The following RBFOX1 variants were observed in gnomAD, a reference collection of about 807,000 sequenced individuals.
The protein encoded by RBFOX1 is RNA binding fox-1 homolog 1.
Under a neutral mutation model 57.7 loss-of-function variants are expected in RBFOX1, and 8 were observed. The observed-to-expected ratio is 0.14, with a 90% CI of 0.08 to 0.25. The LOEUF (loss-of-function observed/expected upper bound fraction) is 0.25, where lower values mean the gene tolerates loss of function less well. RBFOX1 is among the 10% of genes least tolerant of loss of function. The pLI is 1.00. For missense variants in RBFOX1, 611 were observed against 548.5 expected, an observed-to-expected ratio of 1.11 and a Z score of -1.14; for synonymous variants, 326 against 222.4, an observed-to-expected ratio of 1.47 and a Z score of -4.15.
At chr16:6,869,567 T>G (rs1171534608) in intron 3 of RBFOX1, among the ~76,000 whole-genome samples, 2 of 152,126 alleles carry the variant, frequency 1.3e-5, no homozygotes, top group Non-Finnish European at 2.9e-5. Context: ...TAACATTAAT[T>G]TCTGTGCAGA....
At chr16:6,866,986 C>T (rs1379548845) in intron 3 of RBFOX1, among the ~76,000 whole-genome samples, 1 of 149,756 alleles carries the variant, frequency 6.7e-6, no homozygotes, top group Non-Finnish European at 1.5e-5. Flanking sequence ...ACAGAAAACC[C>T]TCTAGTCAGA....
intron 2 of RBFOX1, among the ~76,000 whole-genome samples, chr16:6,442,288 T>C (rs557837011): frequency 8.5e-5 from 13 of 152,276 alleles, no homozygotes; most frequent in African/African-American, 3.1e-4. Flanking sequence ...CCGTGCACGG[T>C]GGCTCACACC....
intron 1 of RBFOX1, among the ~76,000 whole-genome samples, chr16:6,260,074 A>G (rs2097692644): frequency 6.6e-6 from 1 of 152,070 alleles, no homozygotes; most frequent in Non-Finnish European, 1.5e-5. Flanking sequence ...TGAGTTTTCG[A>G]ATTCTAGTAA....
chr16:7,477,491 C>G (rs1328930544), intron 4 of RBFOX1, among the ~76,000 whole-genome samples: 2 of 152,104 alleles, frequency 1.3e-5, no homozygotes, highest in Non-Finnish European at 2.9e-5. Context: ...CATTCCTTGC[C>G]TCTCCCTTCT....
rs535688570 is a variant in RBFOX1 at position 5,594,446 on chromosome 16, C to T, written c.259-4456C>T. 4.1e-4 allele frequency among the ~76,000 whole-genome samples: 63 copies of T among 152,010 alleles called. 1 individual carries two copies. The South Asian group carries it at 0.013, about 31-fold the overall frequency. ...CTCAGGAGGTCCTGACGACATCTGC[C>T]CAAGGTCAGAGCATAGTTTGATTTT... is the stretch of plus-strand genomic sequence containing the variant. On this transcript the variant is annotated intron_variant, in intron 2 of 2. Transcript: ENST00000585867.
rs534927652 is a variant in RBFOX1, at chr16:6,633,364, T to A, written c.-63-21239T>A. Among the ~76,000 whole-genome samples the A allele has an allele frequency of 4.6e-5, 7 of 152,116 alleles. No homozygotes were observed. The East Asian group carries it at 1.2e-3, about 25-fold the overall frequency. On this transcript the variant is annotated intron_variant, in intron 2 of 15. Coordinates refer to ENST00000550418, the MANE Select transcript of RBFOX1 (RefSeq NM_018723.4). ...ACGATCTTGGCTCACTGCAACCTCC[T>A]CCTCCCAGGTTCAAGTGATTCTTGT...
At chr16:5,814,058 C>G (rs955191684) in intron 3 of RBFOX1, among the ~76,000 whole-genome samples, 1 of 152,166 alleles carries the variant, frequency 6.6e-6, no homozygotes, top group Non-Finnish European at 1.5e-5. Context: ...GTTATTATTA[C>G]TAATGTCAGT....
chr16:6,498,654 A>G (rs1415781355), intron 2 of RBFOX1, among the ~76,000 whole-genome samples: 1 of 152,214 alleles, frequency 6.6e-6, no homozygotes, highest in East Asian at 1.9e-4. Context: ...CATATTAAGG[A>G]CTTCGATAAG....
intron 4 of RBFOX1, among the ~76,000 whole-genome samples, chr16:7,181,095 A>T (rs189904646): frequency 1.3e-5 from 2 of 152,222 alleles, no homozygotes; most frequent in African/African-American, 4.8e-5. Flanking sequence ...ACCCCCTGCT[A>T]TCAAGGAATG....
intron 3 of RBFOX1, among the ~76,000 whole-genome samples, chr16:6,770,012 C>T (rs1002793274): frequency 3.3e-5 from 5 of 152,010 alleles, no homozygotes; most frequent in Non-Finnish European, 7.4e-5. Context: ...AAAGGAACAC[C>T]TCTATTCTCA....
chr16:6,229,164 C>T (rs563622773), intron 1 of RBFOX1, among the ~76,000 whole-genome samples: 26 of 152,202 alleles, frequency 1.7e-4, no homozygotes, highest in Non-Finnish European at 2.9e-4. Flanking sequence ...TTTTACCCCC[C>T]GAGACTATAA....
chr16:6,008,638 A>G (rs1251438542), intron 4 of RBFOX1, among the ~76,000 whole-genome samples: 2 of 152,170 alleles, frequency 1.3e-5, no homozygotes, highest in Non-Finnish European at 2.9e-5. Flanking sequence ...GGGAGTTTGA[A>G]GATGGAGCAG....
intron 4 of RBFOX1, among the ~76,000 whole-genome samples, chr16:7,170,634 C>G (rs1005147149): frequency 1.3e-5 from 2 of 152,152 alleles, no homozygotes; most frequent in Admixed American, 6.5e-5. Context: ...GAGGTACCCA[C>G]TTTGGGTATC....
intron 4 of RBFOX1, among the ~76,000 whole-genome samples, chr16:7,347,858 T>G (rs1286982539): frequency 6.6e-6 from 1 of 152,182 alleles, no homozygotes; most frequent in Non-Finnish European, 1.5e-5. Flanking sequence ...TGTGAGCTGT[T>G]AGCCATTCCG....
intron 1 of RBFOX1, among the ~76,000 whole-genome samples, chr16:6,248,934 G>T (rs903009578): frequency 2.6e-5 from 4 of 152,142 alleles, no homozygotes; most frequent in African/African-American, 9.7e-5. Flanking sequence ...CATTGTCTGG[G>T]TGCTTTCTAT....
intron 1 of RBFOX1, among the ~76,000 whole-genome samples, chr16:6,280,494 T>G (rs1178159571): frequency 6.6e-6 from 1 of 152,138 alleles, no homozygotes; most frequent in South Asian, 2.1e-4. Context: ...AAGGGGAGGA[T>G]TGATACATGA....
At chr16:5,333,412 C>T (rs1596550309) in intron 1 of RBFOX1, among the ~76,000 whole-genome samples, 2 of 145,046 alleles carry the variant, frequency 1.4e-5, no homozygotes, top group Non-Finnish European at 3.0e-5. Context: ...ACTGTCAGGT[C>T]TGAACAGCTG....
At chr16:6,255,513 C>G (rs941366771) in intron 1 of RBFOX1, among the ~76,000 whole-genome samples, 3 of 152,022 alleles carry the variant, frequency 2.0e-5, no homozygotes, top group African/African-American at 7.2e-5. Context: ...GACTATAAGA[C>G]CCAAGAGGAC....
chr16:6,906,327 G>A (rs533241603), intron 3 of RBFOX1, among the ~76,000 whole-genome samples: 8 of 151,764 alleles, frequency 5.3e-5, no homozygotes, highest in Admixed American at 3.9e-4. Context: ...GTATTCAATT[G>A]TGTCTCAGGC....
Sources: gnomAD v4.1 joint callset for allele counts (sites outside exome capture counted in the v4.1 genomes callset) on GRCh38, gnomAD v4.1.1 for gene constraint, MANE v1.5 for transcripts, NCBI Gene and HGNC (gene_info 2026-07-23, HGNC 2026-07-21) for gene names.